The following DIAPH1 variants were observed in gnomAD, a reference collection of about 807,000 sequenced individuals.
DIAPH1 encodes protein diaphanous homolog 1.
Under a neutral mutation model 140.7 loss-of-function variants are expected in DIAPH1, and 46 were observed. That is an observed-to-expected ratio of 0.33 (90% CI 0.26 to 0.42). The LOEUF is 0.42. Among genes scored for constraint, DIAPH1 ranks in the 10% least tolerant of loss-of-function variants. The pLI is 1.00. For missense variants in DIAPH1, 1,310 were observed against 1,558.7 expected, an observed-to-expected ratio of 0.84 and a Z score of 2.69; for synonymous variants, 565 against 551.6, an observed-to-expected ratio of 1.02 and a Z score of -0.34.
intron 1 of DIAPH1, among the ~76,000 whole-genome samples, chr5:141,598,836 T>C (rs997434568): frequency 6.6e-6 from 1 of 152,220 alleles, no homozygotes; most frequent in Admixed American, 6.5e-5. Flanking sequence ...ATTTTGCATA[T>C]CTGGATTTGT....
intron 18 of DIAPH1, among the ~76,000 whole-genome samples, chr5:141,546,783 GAA>G (rs767538861): frequency 7.2e-5 from 11 of 152,226 alleles, no homozygotes; most frequent in Admixed American, 4.6e-4. Flanking sequence ...GGAACAGGGT[GAA>G]AGAGGTAGAT....
chr5:141,529,896 CA>C (rs1217016030), intron 19 of DIAPH1, among the ~76,000 whole-genome samples, 199 bp from the exon 20 acceptor site: 4 of 152,030 alleles, frequency 2.6e-5, no homozygotes, highest in Non-Finnish European at 5.9e-5. Flanking sequence ...CCAGCCTAGG[CA>C]ACATGGGGAA....
rs200220260 is a variant in DIAPH1 at position 141,534,391 on chromosome 5, T to G, written c.2525A>C (p.Gln842Pro). ...CTTTAACTCTTTTACTTTTTTCTTT[T>G]GCACAGATTTCTTTTCTTCTCCACC... ...QEGGEEKKSV[Q>P]KKKVKELKVL... Residue 842 changes from glutamine to proline, a missense_variant, in exon 19 of 28, where the codon CAA becomes CCA. Coordinates refer to ENST00000389054, the MANE Select transcript of DIAPH1 (RefSeq NM_005219.5). 2,200 of 1,613,954 alleles carry G rather than the reference T, an allele frequency of 1.4e-3. 61 individuals carry two copies. The South Asian group carries it at 0.023, about 17-fold the overall frequency.
intron 16 of DIAPH1, among the ~76,000 whole-genome samples, chr5:141,572,977 AG>A (rs1412669934): frequency 5.9e-5 from 9 of 152,218 alleles, no homozygotes; most frequent in Non-Finnish European, 1.3e-4. Context: ...TTCAGAATAC[AG>A]GGTTCACAGA....
chr5:141,582,111 G>C, intron 7 of DIAPH1: 1 of 351,768 alleles, frequency 2.8e-6, no homozygotes. Flanking sequence ...AATTGAGCCT[G>C]TCCTCTGAAA....
chr5:141,537,182 T>C (rs558125423), intron 18 of DIAPH1, among the ~76,000 whole-genome samples: 1 of 150,938 alleles, frequency 6.6e-6, no homozygotes, highest in African/African-American at 2.4e-5. Flanking sequence ...AAAACGAAAA[T>C]CATATAAAAA....
In DIAPH1 at chr5:141,576,294, T is replaced by C; in HGVS notation, c.1397A>G (p.Asp466Gly). The C allele has an allele frequency of 1.2e-6, 2 of 1,613,044 alleles. No individual in the cohort carries two copies. Among genetic ancestry groups the C allele is most frequent in the East Asian group, 4.5e-5 (2 of 44,878 alleles). ...CACCTTTGTCTTATCAATCATTTGATCTGAAAAGAAGAAGAGTCAGTAAGT... is the reference window on the plus strand; with the variant it reads ...CACCTTTGTCTTATCAATCATTTGACCTGAAAAGAAGAAGAGTCAGTAAGT... Reference protein sequence around the residue: ...HLQIEIEGLIDQMIDKTKVEK... With the variant: ...HLQIEIEGLIGQMIDKTKVEK... The change falls in exon 14 of 28, where the codon GAT becomes GGT. Residue 466 changes from aspartate to glycine, a missense_variant and splice_region_variant. This residue lies in a region of DIAPH1 where 589 missense variants were observed against 549.3 expected (regional missense o/e 1.07). Coordinates refer to ENST00000389054, the MANE Select transcript of DIAPH1 (RefSeq NM_005219.5).
chr5:141,516,802 G>A lies in DIAPH1; in HGVS notation c.*49C>T, dbSNP rs1357363392. 10 of 1,610,528 alleles carry A rather than the reference G, an allele frequency of 6.2e-6. No individual in the cohort carries two copies. The highest frequency in any genetic ancestry group is 8.5e-6 in the Non-Finnish European group (10 of 1,178,512). On this transcript the variant is annotated 3_prime_UTR_variant, in exon 28 of 28. Transcript: ENST00000389054. The stretch of plus-strand genomic sequence containing the variant: ...GCCTTTAGGCACATGCTGCAGGGCA[G>A]GACAGTCTGCGGCTCCGCTGAGGAG...
chr5:141,549,757 C>T (rs1243291564), intron 18 of DIAPH1, among the ~76,000 whole-genome samples: 1 of 152,006 alleles, frequency 6.6e-6, no homozygotes. Flanking sequence ...ACTCTGGAGT[C>T]AGGTAAGAAA....
intron 16 of DIAPH1, among the ~76,000 whole-genome samples, chr5:141,572,664 G>A (rs935577906): frequency 6.6e-6 from 1 of 151,930 alleles, no homozygotes; most frequent in Non-Finnish European, 1.5e-5. Flanking sequence ...GCCAGGCATG[G>A]TGGCACACGC....
chr5:141,573,989 AAGGAGGTGGAGGAGGAGG>A lies in DIAPH1; in HGVS notation c.1843_1860del (p.Pro615_Pro620del). 1 of 1,527,570 alleles carries A rather than the reference AAGGAGGTGGAGGAGGAGG, an allele frequency of 6.5e-7. No homozygotes were observed. The highest frequency in any genetic ancestry group is 8.8e-7 in the Non-Finnish European group (1 of 1,132,986). 94.6% of individuals were successfully genotyped at this position (1,527,570 alleles called of 1,614,324 possible). Reference sequence around the variant, plus strand: ...GAGGAGATGCAAACACCCCCAGGCAAAGGAGGTGGAGGAGGAGGAGGAGGAGGAGGAGGAGGAGGAGTG... The same window carrying A: ...GAGGAGATGCAAACACCCCCAGGCAAAGGAGGAGGAGGAGGAGGAGGAGTG... On this transcript the variant is annotated inframe_deletion, in exon 16 of 28. Transcript: ENST00000389054.
At position 141,583,438 on chromosome 5, in the gene DIAPH1, A is replaced by T. The variant is rs575464771; in HGVS notation, c.533+47T>A. 67 of 1,614,168 alleles carry T rather than the reference A, an allele frequency of 4.2e-5. No homozygotes were observed. In the South Asian group the frequency reaches 5.4e-4, roughly 13 times the overall value. On this transcript the variant is annotated intron_variant, in intron 5 of 27. Transcript: ENST00000389054. The stretch of plus-strand genomic sequence containing the variant: ...TTTGATCTTCAATCACCACCAGTGA[A>T]GTCCAACATTTGGCTCCTACTCCTG...
At chr5:141,561,531 C>T (rs965931707) in intron 18 of DIAPH1, among the ~76,000 whole-genome samples, 1 of 152,044 alleles carries the variant, frequency 6.6e-6, no homozygotes, top group East Asian at 1.9e-4. Context: ...CTAGAATCTT[C>T]TCCAAGCATG....
At chr5:141,554,606 C>CA (rs2099892273) in intron 18 of DIAPH1, among the ~76,000 whole-genome samples, 2 of 151,892 alleles carry the variant, frequency 1.3e-5, no homozygotes, top group South Asian at 2.1e-4. Flanking sequence ...AGAACAGTAT[C>CA]AAAAAAATCA....
intron 18 of DIAPH1, among the ~76,000 whole-genome samples, chr5:141,555,471 C>T (rs1596362084): frequency 6.6e-6 from 1 of 152,274 alleles, no homozygotes; most frequent in East Asian, 1.9e-4. Flanking sequence ...AGCCTTCTTA[C>T]AGGAATGGTG....
In DIAPH1 at chr5:141,553,282, T is replaced by TA. The variant is rs200303599; in HGVS notation, c.2482+18145_2482+18146insT. On this transcript the variant is annotated intron_variant, in intron 18 of 27. Transcript: ENST00000389054. Reference sequence around the variant, plus strand: ...ACTCCAGCCTGGGTGACAGGCTGTCTTTTTTTTTTGACCCTGTCTCAAAAA... The same window carrying TA: ...ACTCCAGCCTGGGTGACAGGCTGTCTATTTTTTTTTGACCCTGTCTCAAAAA... 4.1e-3 allele frequency among the ~76,000 whole-genome samples: 577 copies of TA among 140,630 alleles called. 5 individuals carry two copies. The highest frequency in any genetic ancestry group is 0.012 in the Admixed American group (168 of 14,018). 92.3% of individuals were successfully genotyped at this position (140,630 alleles called of 152,430 possible). A position where few individuals can be genotyped will look rare whatever the true frequency, so the allele number is the denominator to read the frequency against.
chr5:141,597,767 G>T (rs1370926537), intron 1 of DIAPH1, among the ~76,000 whole-genome samples: 1 of 152,190 alleles, frequency 6.6e-6, no homozygotes, highest in African/African-American at 2.4e-5. Context: ...GACCCAGATG[G>T]TTGGCCTGTC....
intron 18 of DIAPH1, among the ~76,000 whole-genome samples, chr5:141,551,970 G>A (rs774549205): frequency 7.2e-5 from 11 of 152,116 alleles, no homozygotes; most frequent in African/African-American, 2.4e-4. Flanking sequence ...GCAATTAGCC[G>A]GAAATTAACA....
At chr5:141,576,324 C>T (rs2099895961) in intron 13 of DIAPH1, 30 bp from the exon 14 acceptor site, 5 of 1,529,518 alleles carry the variant, frequency 3.3e-6, no homozygotes, top group Non-Finnish European at 4.5e-6. Flanking sequence ...GTAAGTAAAG[C>T]TCCTAATTCT....
Sources: allele counts gnomAD v4.1 joint callset (sites outside exome capture counted in the v4.1 genomes callset), GRCh38; gene constraint gnomAD v4.1.1; regional missense constraint gnomAD v4.1.1; transcripts MANE v1.5; gene names NCBI Gene and HGNC (gene_info 2026-07-23, HGNC 2026-07-21).